The following ZNF692 variants were observed in gnomAD, a reference collection of about 807,000 sequenced individuals.
The protein encoded by ZNF692 is zinc finger protein 692.
In ZNF692, 41 loss-of-function variants were observed where a neutral mutation model predicts 49.0. That is an observed-to-expected ratio of 0.84 (90% CI 0.65 to 1.08). The LOEUF (loss-of-function observed/expected upper bound fraction) is 1.08, where lower values mean the gene tolerates loss of function less well. Ranked by LOEUF, ZNF692 falls within the 50% of genes least tolerant of loss-of-function variation. The pLI is 0.00. For synonymous variants in ZNF692, 288 were observed against 251.5 expected, an observed-to-expected ratio of 1.15 and a Z score of -1.37; for missense variants, 662 against 662.2, an observed-to-expected ratio of 1.00 and a Z score of 0.00.
intron 10 of ZNF692, chr1:248,851,036 C>G (rs1415078805): frequency 3.1e-6 from 2 of 636,212 alleles, no homozygotes; most frequent in East Asian, 6.4e-5. Flanking sequence ...CAATCCCACT[C>G]AAACCAATGA....
Position 248,850,327 on chromosome 1 carries a change from T to G in ZNF692, c.1443A>C (p.Ser481=), listed in dbSNP as rs1261397826. 7 of 1,613,808 alleles carry G rather than the reference T, an allele frequency of 4.3e-6. No individual in the cohort carries two copies. Among genetic ancestry groups the G allele is most frequent in the Non-Finnish European group, 5.1e-6 (6 of 1,179,924 alleles). ...HPALLLAPQE[S]PSGPLEPCPS... ...GACAGGGCTCTAGGGGACCACTGGG[T>G]GACTCTTGAGGGGCTAGAAGCAGGG... The change falls in exon 12 of 12, where the codon TCA becomes TCC. Residue 481 remains serine (S), a synonymous_variant. Transcript: ENST00000306601.
chr1:248,857,560 C>T (rs1572235907), intron 3 of ZNF692, 63 bp from the exon 4 acceptor site: 5 of 1,553,384 alleles, frequency 3.2e-6, no homozygotes, highest in Non-Finnish European at 4.3e-6. Flanking sequence ...CCCTGGAGAG[C>T]CATACCCAGG....
intron 10 of ZNF692, among the ~76,000 whole-genome samples, chr1:248,853,213 C>A (rs900506784): frequency 6.6e-6 from 1 of 152,216 alleles, no homozygotes; most frequent in Non-Finnish European, 1.5e-5. Flanking sequence ...CTGCTACCAG[C>A]AAATCCAGGC....
chr1:248,855,353 A>C, intron 9 of ZNF692, 27 bp downstream of exon 9: 3 of 1,612,112 alleles, frequency 1.9e-6, no homozygotes, highest in Non-Finnish European at 2.5e-6. Context: ...CCCAGCAGCC[A>C]CACAGGCCCC....
At chr1:248,857,753 G>C in intron 3 of ZNF692, 75 bp downstream of exon 3, 1 of 1,574,772 alleles carries the variant, frequency 6.4e-7, no homozygotes, top group Non-Finnish European at 8.6e-7. Context: ...GGCTCCCTTT[G>C]AAAGGAGGGT....
chr1:248,850,238 T>G lies in ZNF692; in HGVS notation c.1532A>C (p.Gln511Pro). 6.4e-7 allele frequency: 1 copy of G among 1,551,020 alleles called. No individual in the cohort carries two copies. The highest frequency in any genetic ancestry group is 8.7e-7 in the Non-Finnish European group (1 of 1,148,338). Residue 511 changes from glutamine to proline, a missense_variant, in exon 12 of 12, where the codon CAG (glutamine) becomes CCG (proline). Coordinates refer to ENST00000306601, the MANE Select transcript of ZNF692 (RefSeq NM_017865.4). ...TTGCTGAGGAAGCAGGGTTGGAGCC[T>G]GAGGAGATGCAGAGGGCCTGGACCC... ...SEGSRPSASP[Q>P]APTLLPQQ is the part of the protein sequence containing the mutation.
At chr1:248,857,925 C>T in intron 2 of ZNF692, 66 bp from the exon 3 acceptor site, 1 of 1,598,204 alleles carries the variant, frequency 6.3e-7, no homozygotes, top group Non-Finnish European at 8.5e-7. Context: ...TGGGCACTCA[C>T]ACATGTAAGG....
At position 248,850,236 on chromosome 1, in the gene ZNF692, C is replaced by A; in HGVS notation, c.1534G>T (p.Ala512Ser). ...CATTGCTGAGGAAGCAGGGTTGGAG[C>A]CTGAGGAGATGCAGAGGGCCTGGAC... ...EGSRPSASPQ[A>S]PTLLPQQ The change falls in exon 12 of 12, where the codon GCT becomes TCT. Residue 512 changes from alanine (A) to serine (S), a missense_variant. Transcript: ENST00000306601. 1.3e-6 allele frequency: 2 copies of A among 1,549,234 alleles called. No individual in the cohort carries two copies. The highest frequency in any genetic ancestry group is 8.7e-7 in the Non-Finnish European group (1 of 1,147,548).
chr1:248,852,221 A>T (rs949149095), intron 10 of ZNF692, among the ~76,000 whole-genome samples: 1 of 152,084 alleles, frequency 6.6e-6, no homozygotes, highest in African/African-American at 2.4e-5. Flanking sequence ...AAGACATTTC[A>T]CACCACCTCC....
chr1:248,852,416 T>G (rs1419893965), intron 10 of ZNF692, among the ~76,000 whole-genome samples: 1 of 152,054 alleles, frequency 6.6e-6, no homozygotes, highest in African/African-American at 2.4e-5. Flanking sequence ...ACTGTGCCCC[T>G]CAAGACCAAC....
chr1:248,854,167 G>T, intron 9 of ZNF692, 116 bp from the exon 10 acceptor site: 1 of 734,688 alleles, frequency 1.4e-6, no homozygotes, highest in Non-Finnish European at 2.4e-6. Context: ...CCTGGCCCCT[G>T]TGCCCCAGCA....
chr1:248,858,070 AGAG>A lies in ZNF692; in HGVS notation c.179+58_179+60del. Reference sequence around the variant, plus strand: ...AAAAGAGCAGCAGGACAGGCCCTGGAGAGGAGGCTAGGGGCTGCTGCCTGGGTA... The same window carrying A: ...AAAAGAGCAGCAGGACAGGCCCTGGAGAGGCTAGGGGCTGCTGCCTGGGTA... On this transcript the variant is annotated intron_variant, in intron 2 of 11. Coordinates refer to ENST00000306601, the MANE Select transcript of ZNF692 (RefSeq NM_017865.4). The surrounding 1 kb of genome is among the most constrained non-coding windows in gnomAD (Gnocchi z 4.3). 6.4e-7 allele frequency: 1 copy of A among 1,552,706 alleles called. No homozygotes were observed. Among genetic ancestry groups the A allele is most frequent in the Non-Finnish European group, 8.7e-7 (1 of 1,153,906 alleles).
In ZNF692 at chr1:248,855,823, G is replaced by A. The variant is rs140745254; in HGVS notation, c.783C>T (p.Ser261=). ...GTGGAGGAGCTCTGGAACTCAATGA[G>A]GATGCTGACAAGGCCGGCACAGCAA... ...SPLAVPALSA[S]SLSSRAPPPA... is the part of the protein sequence containing the mutation. The change falls in exon 7 of 12, where the codon TCC becomes TCT. Residue 261 remains serine (S), a synonymous_variant. Coordinates refer to ENST00000306601, the MANE Select transcript of ZNF692 (RefSeq NM_017865.4). 2.7e-3 allele frequency: 4,377 copies of A among 1,614,236 alleles called. 21 individuals are homozygous for A. Among genetic ancestry groups the A allele is most frequent in the Non-Finnish European group, 2.7e-3 (3,139 of 1,180,048 alleles).
Position 248,858,686 on chromosome 1 carries a change from A to C in ZNF692, c.-13+232T>G. 1 of 864,494 alleles carries C rather than the reference A, an allele frequency of 1.2e-6. No individual in the cohort carries two copies. Among genetic ancestry groups the C allele is most frequent in the Non-Finnish European group, 1.9e-6 (1 of 535,038 alleles). The allele number at this position is 864,494 out of a possible 1,614,324, so 53.6% of individuals were successfully genotyped here. On this transcript the variant is annotated intron_variant, in intron 1 of 11. Transcript: ENST00000306601. The surrounding 1 kb of genome is among the most constrained non-coding windows in gnomAD (Gnocchi z 4.3). ...CATCTTGAATAGGGCAGCGGCCTTT[A>C]CTGGTTTCTAGGGGAAGGAAAGGTC...
chr1:248,857,680 G>A lies in ZNF692; in HGVS notation c.211+148C>T, dbSNP rs369827844. 4.3e-3 allele frequency: 6,355 copies of A among 1,470,930 alleles called. 53 individuals carry two copies. The highest frequency in any genetic ancestry group is 0.018 in the South Asian group (1,295 of 70,930). 91.1% of individuals were successfully genotyped at this position (1,470,930 alleles called of 1,614,324 possible). On this transcript the variant is annotated intron_variant, in intron 3 of 11. Coordinates refer to ENST00000306601, the MANE Select transcript of ZNF692 (RefSeq NM_017865.4). ...GACATTGCTCCCTTCCCCACCCAGA[G>A]GTTGCCTCCATCAAACTACCCTGTG...
chr1:248,856,123 C>T, intron 6 of ZNF692, 165 bp downstream of exon 6: 1 of 1,291,384 alleles, frequency 7.7e-7, no homozygotes, highest in Middle Eastern at 2.8e-4. Flanking sequence ...GACTTCACCC[C>T]TTTTCACCCC....
intron 9 of ZNF692, among the ~76,000 whole-genome samples, chr1:248,854,954 A>G (rs1177405553): frequency 4.0e-5 from 6 of 151,870 alleles, no homozygotes; most frequent in Non-Finnish European, 8.8e-5. Flanking sequence ...CTGCTGTGCC[A>G]AGTGCTCTGG....
chr1:248,852,376 C>T (rs1659701303), intron 10 of ZNF692, among the ~76,000 whole-genome samples: 1 of 152,180 alleles, frequency 6.6e-6, no homozygotes, highest in South Asian at 2.1e-4. Flanking sequence ...ATATAAACAA[C>T]TGCTCAAACT....
Position 248,850,321 on chromosome 1 carries a change from A to G in ZNF692, c.1449T>C (p.Ser483=), listed in dbSNP as rs770487433. ...TGCTGGGACAGGGCTCTAGGGGACC[A>G]CTGGGTGACTCTTGAGGGGCTAGAA... ...ALLLAPQESP[S]GPLEPCPSIS... Residue 483 remains serine (S), a synonymous_variant, in exon 12 of 12, where the codon AGT becomes AGC. Transcript: ENST00000306601. 6.2e-7 allele frequency: 1 copy of G among 1,613,938 alleles called. No homozygotes were observed. Among genetic ancestry groups the G allele is most frequent in the East Asian group, 2.2e-5 (1 of 44,888 alleles).
Sources: allele counts gnomAD v4.1 joint callset (sites outside exome capture counted in the v4.1 genomes callset), GRCh38; gene constraint gnomAD v4.1.1; non-coding constraint Gnocchi (gnomAD v3.1); transcripts MANE v1.5; gene names NCBI Gene and HGNC (gene_info 2026-07-23, HGNC 2026-07-21).